UBE3D: variants seen among roughly 807,000 people sequenced by gnomAD.
UBE3D encodes ubiquitin protein ligase E3D, also known as E3 ubiquitin-protein ligase E3D.
UBE3D carries 48 observed loss-of-function variants against 49.6 expected under a neutral mutation model. That is an observed-to-expected ratio of 0.97 (90% confidence interval 0.77 to 1.23). The LOEUF (loss-of-function observed/expected upper bound fraction) is 1.23. Among genes scored for constraint, UBE3D ranks in the 50% most tolerant of loss-of-function variants. UBE3D has a pLI of 0.00. For synonymous variants in UBE3D, 189 were observed against 174.2 expected (o/e 1.08, Z -0.67); for missense variants, 452 against 468.4 (o/e 0.96, Z 0.32).
chr6:82,921,721 C>A lies in UBE3D; in HGVS notation c.1150-28679G>T, dbSNP rs141496285. On this transcript the variant is annotated intron_variant, in intron 9 of 9. Coordinates refer to ENST00000369747, the MANE Select transcript of UBE3D (RefSeq NM_198920.3). Reference sequence around the variant, plus strand: ...TTTTCACACTATTTATGGGGCCTCACTAACAGTCCTCTATGCAGGAACATA... The same window carrying A: ...TTTTCACACTATTTATGGGGCCTCAATAACAGTCCTCTATGCAGGAACATA... Among the ~76,000 whole-genome samples the A allele has an allele frequency of 4.5e-3, 691 of 152,234 alleles. 2 individuals are homozygous for A. The highest frequency in any genetic ancestry group is 7.0e-3 in the Non-Finnish European group (475 of 68,016).
At chr6:82,950,199 C>A (rs1443956051) in intron 9 of UBE3D, among the ~76,000 whole-genome samples, 1 of 151,950 alleles carries the variant, frequency 6.6e-6, no homozygotes, top group African/African-American at 2.4e-5. Flanking sequence ...AAAAAATGGG[C>A]AAAAGATATG....
In UBE3D at chr6:82,951,252, TAAG is replaced by T. The variant is rs201019254; in HGVS notation, c.1149+6057_1149+6059del. 5.4e-3 allele frequency among the ~76,000 whole-genome samples: 825 copies of T among 152,202 alleles called. 17 individuals carry two copies. The highest frequency in any genetic ancestry group is 0.016 in the East Asian group (84 of 5,176). Reference sequence around the variant, plus strand: ...ATACCTACTATGTACCCATAAAAATTAAGAATAAACAAAATAGGAATTGCAAGG... The same window carrying T: ...ATACCTACTATGTACCCATAAAAATTAATAAACAAAATAGGAATTGCAAGG... On this transcript the variant is annotated intron_variant, in intron 9 of 9. Transcript: ENST00000369747.
chr6:83,037,513 GGTAC>G (rs1177728547), intron 5 of UBE3D: 2 of 152,142 alleles, frequency 1.3e-5, no homozygotes, highest in African/African-American at 4.8e-5. Context: ...CGTTAAGGAT[GGTAC>G]CTTTTACTAA....
intron 8 of UBE3D, among the ~76,000 whole-genome samples, chr6:83,008,443 C>A (rs1235576871): frequency 6.6e-6 from 1 of 151,958 alleles, no homozygotes; most frequent in Non-Finnish European, 1.5e-5. Context: ...AATTGTGGAG[C>A]AGTAAAAAAA....
At chr6:82,969,295 A>G (rs1334479432) in intron 8 of UBE3D, among the ~76,000 whole-genome samples, 2 of 152,118 alleles carry the variant, frequency 1.3e-5, no homozygotes, top group Non-Finnish European at 2.9e-5. Context: ...CTCTTTTACA[A>G]TAAGAACATC....
intron 9 of UBE3D, among the ~76,000 whole-genome samples, chr6:82,899,882 C>T (rs1380779926): frequency 6.7e-6 from 1 of 148,790 alleles, no homozygotes; most frequent in African/African-American, 2.6e-5. Context: ...ATGGGGCCAA[C>T]ATTGATATAG....
chr6:82,884,429 A>AG, the UBE3D span, among the ~76,000 whole-genome samples: 1 of 152,150 alleles, frequency 6.6e-6, no homozygotes, highest in South Asian at 2.1e-4. Context: ...GCACTCCAGA[A>AG]GGCACCCTAG....
At position 82,929,944 on chromosome 6, in the gene UBE3D, T is replaced by C. The variant is rs574187908; in HGVS notation, c.1149+27368A>G. 2.4e-4 allele frequency among the ~76,000 whole-genome samples: 37 copies of C among 152,252 alleles called. 1 individual carries two copies. In the South Asian group the frequency reaches 7.5e-3, roughly 31 times the overall value. On this transcript the variant is annotated intron_variant, in intron 9 of 9. Transcript: ENST00000369747. ...ACATTACTGTTCACTCTTAGTGGTG[T>C]ACATTCTATGGGTTTGGACAAATGC...
chr6:82,967,293 A>G (rs1287910243), intron 8 of UBE3D, among the ~76,000 whole-genome samples: 1 of 152,110 alleles, frequency 6.6e-6, no homozygotes, highest in East Asian at 1.9e-4. Context: ...CCTTTTTTAA[A>G]CCTCATGTTT....
chr6:83,023,847 T>A (rs1781268175), intron 6 of UBE3D, 122 bp downstream of exon 6: 1 of 620,078 alleles, frequency 1.6e-6, no homozygotes, highest in Non-Finnish European at 2.7e-6. Context: ...TAAGCAAACA[T>A]CATCTGTTCC....
intron 8 of UBE3D, among the ~76,000 whole-genome samples, chr6:82,968,716 G>A (rs917856768): frequency 1.3e-5 from 2 of 152,078 alleles, no homozygotes; most frequent in Non-Finnish European, 2.9e-5. Context: ...CTAACAGTTG[G>A]GGTTTTTAAA....
intron 1 of UBE3D, 126 bp from the exon 2 acceptor site, chr6:83,058,148 G>A (rs1379536667): frequency 1.2e-5 from 11 of 885,830 alleles, no homozygotes; most frequent in South Asian, 1.7e-5. Flanking sequence ...CACTGCCCCA[G>A]AAAAACAGCA....
chr6:83,064,503 G>A (rs1233864175), intron 1 of UBE3D, among the ~76,000 whole-genome samples: 1 of 152,194 alleles, frequency 6.6e-6, no homozygotes, highest in Admixed American at 6.5e-5. Flanking sequence ...TGGGATTACA[G>A]GCATGAGCCA....
chr6:82,926,748 CT>C (rs1773780785), intron 9 of UBE3D, among the ~76,000 whole-genome samples: 1 of 152,088 alleles, frequency 6.6e-6, no homozygotes, highest in Non-Finnish European at 1.5e-5. Flanking sequence ...TGACATGCTT[CT>C]TAAGGTCTTT....
intron 9 of UBE3D, among the ~76,000 whole-genome samples, chr6:82,901,102 T>C (rs1482759249): frequency 6.6e-6 from 1 of 152,194 alleles, no homozygotes; most frequent in Non-Finnish European, 1.5e-5. Context: ...ATTTTGGATA[T>C]ATATTTCTAG....
At position 82,986,771 on chromosome 6, in the gene UBE3D, A is replaced by G. The variant is rs1210625377; in HGVS notation, c.1011-29321T>C. On this transcript the variant is annotated intron_variant, in intron 8 of 9. Coordinates refer to ENST00000369747, the MANE Select transcript of UBE3D (RefSeq NM_198920.3). ...ATGTATACATGTATTATACATATATATTCTTTATTTGTAGATTTTTATATA... is the reference window on the plus strand; with the variant it reads ...ATGTATACATGTATTATACATATATGTTCTTTATTTGTAGATTTTTATATA... 2.7e-5 allele frequency among the ~76,000 whole-genome samples: 4 copies of G among 148,300 alleles called. No individual in the cohort carries two copies. In the East Asian group the frequency reaches 7.8e-4, roughly 29 times the overall value.
chr6:83,048,467 C>G (rs920107250), intron 3 of UBE3D, among the ~76,000 whole-genome samples: 4 of 152,106 alleles, frequency 2.6e-5, no homozygotes, highest in African/African-American at 9.7e-5. Flanking sequence ...GCATGTAGTG[C>G]CAATAAACAA....
intron 9 of UBE3D, among the ~76,000 whole-genome samples, chr6:82,902,094 T>A (rs1771781130): frequency 6.6e-6 from 1 of 152,166 alleles, no homozygotes; most frequent in Admixed American, 6.5e-5. Context: ...GCAAATTTAC[T>A]TGCTTAGCTC....
chr6:83,053,563 A>C (rs188441199), intron 3 of UBE3D, among the ~76,000 whole-genome samples: 22 of 152,314 alleles, frequency 1.4e-4, no homozygotes, highest in Admixed American at 1.4e-3. Flanking sequence ...AAAAAAACCC[A>C]AAAACAACAA....
Sources: allele counts gnomAD v4.1 joint callset (sites outside exome capture counted in the v4.1 genomes callset), GRCh38; gene constraint gnomAD v4.1.1; transcripts MANE v1.5; gene names NCBI Gene and HGNC (gene_info 2026-07-23, HGNC 2026-07-21).